APPBP2: variants seen among roughly 807,000 people sequenced by gnomAD.
APPBP2 encodes the protein amyloid protein-binding protein 2.
A neutral mutation model predicts 76.0 loss-of-function variants in APPBP2; 15 were observed. The ratio of observed to expected loss-of-function variants is 0.20; its 90% confidence interval spans 0.13 to 0.30. APPBP2 has a LOEUF of 0.30. Ranked by LOEUF, APPBP2 falls within the 10% of genes least tolerant of loss-of-function variation. The pLI, the probability that APPBP2 is intolerant of heterozygous loss-of-function variation, is 1.00. For missense variants in APPBP2, 401 were observed against 687.2 expected (o/e 0.58, Z 4.66); for synonymous variants, 222 against 242.2 (o/e 0.92, Z 0.77).
intron 3 of APPBP2, among the ~76,000 whole-genome samples, chr17:60,487,005 A>G (rs2090684655): frequency 6.6e-6 from 1 of 152,166 alleles, no homozygotes; most frequent in African/African-American, 2.4e-5. Flanking sequence ...TTTCTTTAAG[A>G]ATGTTGAATA....
rs187712857 is a variant in APPBP2, at chr17:60,513,492, A to G, written c.138+12302T>C. ...GGCATTTCAGAAGATGGACACGAAG[A>G]AGGAGGAACAGCTGAAGCTTCTCAC... On this transcript the variant is annotated intron_variant, in intron 1 of 12. Transcript: ENST00000083182. The G allele has an allele frequency of 3.4e-4, 192 of 564,626 alleles. No homozygotes were observed. The East Asian group carries it at 5.2e-3, about 15-fold the overall frequency. 35.0% of individuals were successfully genotyped at this position (564,626 alleles called of 1,614,324 possible).
At chr17:60,500,932 G>A (rs1162655629) in intron 1 of APPBP2, among the ~76,000 whole-genome samples, 1 of 152,138 alleles carries the variant, frequency 6.6e-6, no homozygotes, top group Non-Finnish European at 1.5e-5. Context: ...ACCAATAGTA[G>A]AGCATGTCAA....
intron 1 of APPBP2, among the ~76,000 whole-genome samples, chr17:60,519,057 C>T (rs1411776025): frequency 1.3e-5 from 2 of 152,110 alleles, no homozygotes; most frequent in Admixed American, 6.5e-5. Context: ...ACTTGCCAAG[C>T]TTCAAATGAT....
chr17:60,449,955 C>T (rs1416883235), intron 12 of APPBP2, among the ~76,000 whole-genome samples: 2 of 151,920 alleles, frequency 1.3e-5, no homozygotes, highest in South Asian at 2.1e-4. Flanking sequence ...CTGTACCACG[C>T]CCGGCTAATT....
chr17:60,458,029 T>C (rs1329105759), intron 9 of APPBP2, among the ~76,000 whole-genome samples: 2 of 152,226 alleles, frequency 1.3e-5, no homozygotes, highest in Non-Finnish European at 2.9e-5. Context: ...TCTGGACATA[T>C]TACATAAATG....
chr17:60,477,283 G>A (rs1326644974), intron 4 of APPBP2, among the ~76,000 whole-genome samples: 1 of 152,094 alleles, frequency 6.6e-6, no homozygotes, highest in Non-Finnish European at 1.5e-5. Context: ...AAAATCAGAA[G>A]AAACACAGGT....
intron 3 of APPBP2, among the ~76,000 whole-genome samples, chr17:60,488,174 A>T (rs991287607): frequency 6.6e-6 from 1 of 152,214 alleles, no homozygotes; most frequent in African/African-American, 2.4e-5. Flanking sequence ...CACGGGGGTC[A>T]GGGACCCACT....
At chr17:60,483,386 A>G (rs867582297) in intron 3 of APPBP2, among the ~76,000 whole-genome samples, 11 of 150,576 alleles carry the variant, frequency 7.3e-5, no homozygotes, top group African/African-American at 2.7e-4. Context: ...TCGCCTGTTC[A>G]CTCTGATGAC....
intron 4 of APPBP2, 95 bp downstream of exon 4, chr17:60,479,053 T>A (rs2090610759): frequency 1.5e-5 from 18 of 1,206,682 alleles, no homozygotes; most frequent in Middle Eastern, 2.1e-4. Context: ...TCTCAGAGAT[T>A]TACTCAAATG....
Position 60,505,676 on chromosome 17 carries a change from G to GTTTTTTTTTTTTTTTT in APPBP2, c.139-5205_139-5190dup, listed in dbSNP as rs1170935393. Among the ~76,000 whole-genome samples, 25 of 85,704 alleles carry GTTTTTTTTTTTTTTTT rather than the reference G, an allele frequency of 2.9e-4. 6 individuals carry two copies. The highest frequency in any genetic ancestry group is 1.9e-3 in the African/African-American group (25 of 12,992). The allele number at this position is 85,704 out of a possible 152,430, so 56.2% of individuals were successfully genotyped here. On this transcript the variant is annotated intron_variant, in intron 1 of 12. Transcript: ENST00000083182. ...TCCTAAAAGCCACCTGACCCCTGCG[G>GTTTTTTTTTTTTTTTT]TTTTTTTTTTTTTTTTTTTTTTTTT...
At chr17:60,509,560 T>C (rs1273699853) in intron 1 of APPBP2, among the ~76,000 whole-genome samples, 1 of 152,138 alleles carries the variant, frequency 6.6e-6, no homozygotes, top group Non-Finnish European at 1.5e-5. Context: ...CCCAGCACCT[T>C]AGGAGGCCTA....
At chr17:60,492,960 A>T (rs951861573) in intron 3 of APPBP2, among the ~76,000 whole-genome samples, 2 of 152,192 alleles carry the variant, frequency 1.3e-5, no homozygotes, top group African/African-American at 4.8e-5. Flanking sequence ...TATAGTTCCC[A>T]TAATTCCCAC....
intron 4 of APPBP2, among the ~76,000 whole-genome samples, chr17:60,474,945 A>T (rs558705842): frequency 3.9e-5 from 6 of 152,178 alleles, no homozygotes; most frequent in Admixed American, 1.3e-4. Flanking sequence ...AAAATAAAAT[A>T]GAGGCCAGGT....
chr17:60,516,128 A>G (rs7214738), intron 1 of APPBP2, among the ~76,000 whole-genome samples: 3,090 of 151,984 alleles, frequency 0.02, 99 homozygotes, highest in African/African-American at 0.07. Flanking sequence ...ATGCCACTGC[A>G]CTCCTGCCTC....
chr17:60,484,228 T>C (rs1444701128), intron 3 of APPBP2, among the ~76,000 whole-genome samples: 1 of 152,184 alleles, frequency 6.6e-6, no homozygotes, highest in African/African-American at 2.4e-5. Context: ...TTTGGTTCCA[T>C]ATGAACTTTA....
At chr17:60,522,042 A>C (rs7218417) in intron 1 of APPBP2, among the ~76,000 whole-genome samples, 12,493 of 152,102 alleles carry the variant, frequency 0.082, 1,695 homozygotes, top group African/African-American at 0.28. Context: ...GTGTAAATAC[A>C]CTCTCTGATG....
chr17:60,460,329 G>T lies in APPBP2; in HGVS notation c.1061+334C>A, dbSNP rs558818782. Reference sequence around the variant, plus strand: ...TTCTCCTGCCTCAGCCTCCAGAGAAGCTGGGACCACAGGCATGCACCAAAA... The same window carrying T: ...TTCTCCTGCCTCAGCCTCCAGAGAATCTGGGACCACAGGCATGCACCAAAA... On this transcript the variant is annotated intron_variant, in intron 9 of 12. Transcript: ENST00000083182. The T allele has an allele frequency of 1.5e-4, 25 of 162,858 alleles. No individual in the cohort carries two copies. In the South Asian group the frequency reaches 4.3e-3, roughly 28 times the overall value. The allele number at this position is 162,858 out of a possible 1,614,324, so 10.1% of individuals were successfully genotyped here.
At chr17:60,452,736 CAGGGCTGGGCAAT>C (rs2090404407) in intron 11 of APPBP2, among the ~76,000 whole-genome samples, 1 of 152,054 alleles carries the variant, frequency 6.6e-6, no homozygotes, top group Non-Finnish European at 1.5e-5. Context: ...GCCTGGGCAA[CAGGGCTGGGCAAT>C]AGGGCAAGAC....
intron 1 of APPBP2, among the ~76,000 whole-genome samples, chr17:60,503,873 G>C (rs1268164371): frequency 1.5e-5 from 2 of 130,510 alleles, no homozygotes; most frequent in Non-Finnish European, 2.9e-5. Flanking sequence ...ATATAATTAG[G>C]ATGGGCAAAG....
Sources: gnomAD v4.1 joint callset for allele counts (sites outside exome capture counted in the v4.1 genomes callset) on GRCh38, gnomAD v4.1.1 for gene constraint, MANE v1.5 for transcripts, NCBI Gene and HGNC (gene_info 2026-07-23, HGNC 2026-07-21) for gene names.